The following PCDH11Y variants were observed in gnomAD, a reference collection of about 807,000 sequenced individuals.
PCDH11Y encodes the protein protocadherin-11 Y-linked.
For synonymous variants in PCDH11Y, 9 were observed against 83.6 expected (o/e 0.11, Z 4.87); for missense variants, 12 against 224.8 (o/e 0.05, Z 6.05).
At chrY:5,013,821 C>T in intron 1 of PCDH11Y, among the ~76,000 whole-genome samples, 1 of 32,226 alleles carries the variant, frequency 3.1e-5, no homozygotes, top group East Asian at 8.1e-4. Flanking sequence ...ACTATTAGGT[C>T]GAAGCAAAAA....
At chrY:5,458,716 G>T (rs1602928583) in intron 2 of PCDH11Y, among the ~76,000 whole-genome samples, 14 of 33,328 alleles carry the variant, frequency 4.2e-4, no homozygotes, top group African/African-American at 4.6e-4. Context: ...GAATTGCATC[G>T]TAGAAATGTT....
chrY:5,310,242 G>T, intron 2 of PCDH11Y, among the ~76,000 whole-genome samples: 2 of 32,141 alleles, frequency 6.2e-5, no homozygotes, highest in Non-Finnish European at 1.5e-4. Flanking sequence ...TTAAGTTATG[G>T]TTAGAACATT....
intron 3 of PCDH11Y, among the ~76,000 whole-genome samples, chrY:5,524,966 A>T: frequency 3.6e-5 from 1 of 27,441 alleles, no homozygotes; most frequent in Non-Finnish European, 8.3e-5. Context: ...TATCCAGTCT[A>T]TCACTGATGG....
chrY:5,493,985 G>A (rs2053341272), intron 2 of PCDH11Y, among the ~76,000 whole-genome samples: 1 of 33,537 alleles, frequency 3.0e-5, no homozygotes, highest in Non-Finnish European at 7.4e-5. Context: ...CCTGATATGA[G>A]GTTCTTTTAG....
chrY:5,065,246 CT>C (rs2052684395), intron 1 of PCDH11Y, among the ~76,000 whole-genome samples: 1 of 33,030 alleles, frequency 3.0e-5, no homozygotes, highest in African/African-American at 1.2e-4. Context: ...CATTTTGAGA[CT>C]GGAAATAAAA....
intron 2 of PCDH11Y, among the ~76,000 whole-genome samples, chrY:5,147,451 G>A (rs2052858395): frequency 1.0e-4 from 3 of 29,741 alleles, no homozygotes; most frequent in Admixed American, 3.2e-4. Context: ...CTGGGTGAGG[G>A]ATCATTCATA....
intron 2 of PCDH11Y, among the ~76,000 whole-genome samples, chrY:5,166,958 C>T: frequency 3.1e-5 from 1 of 32,471 alleles, no homozygotes. Flanking sequence ...ATATATTTTA[C>T]CATATTAAGA....
chrY:5,179,102 C>A, intron 2 of PCDH11Y, among the ~76,000 whole-genome samples: 2 of 33,122 alleles, frequency 6.0e-5, no homozygotes, highest in Admixed American at 5.5e-4. Context: ...ATGCATGTAT[C>A]TTTACAAGAG....
chrY:5,628,547 T>C (rs2053509489), intron 4 of PCDH11Y, among the ~76,000 whole-genome samples: 1 of 33,936 alleles, frequency 2.9e-5, no homozygotes, highest in African/African-American at 1.2e-4. Flanking sequence ...TTCAAATAAA[T>C]TGTAACTCAA....
At chrY:5,384,381 TTATATTATCATTTTAAAAA>T (rs2053208817) in intron 2 of PCDH11Y, among the ~76,000 whole-genome samples, 1 of 29,427 alleles carries the variant, frequency 3.4e-5, no homozygotes, top group Non-Finnish European at 8.1e-5. Context: ...TGTAAACTCA[TTATATTATCATTTTAAAAA>T]TATATTATCA....
At chrY:5,267,133 T>C in intron 2 of PCDH11Y, among the ~76,000 whole-genome samples, 1 of 30,376 alleles carries the variant, frequency 3.3e-5, no homozygotes, top group Admixed American at 3.1e-4. Flanking sequence ...TATTGGCTAC[T>C]TCCAAATACA....
At chrY:5,026,846 G>A in intron 1 of PCDH11Y, among the ~76,000 whole-genome samples, 1 of 32,845 alleles carries the variant, frequency 3.0e-5, no homozygotes, top group Admixed American at 2.8e-4. Context: ...TTTAAAATCA[G>A]TATTTGTAGT....
intron 2 of PCDH11Y, among the ~76,000 whole-genome samples, chrY:5,376,669 G>A: frequency 3.1e-5 from 1 of 32,357 alleles, no homozygotes; most frequent in Non-Finnish European, 7.5e-5. Flanking sequence ...TATTATTATC[G>A]TTACATATAT....
rs1602917911 is a variant in PCDH11Y, at chrY:5,391,512, G to A, written c.3130-109545G>A. Among the ~76,000 whole-genome samples, 8 of 31,881 alleles carry A rather than the reference G, an allele frequency of 2.5e-4. No individual in the cohort carries two copies. The East Asian group carries it at 5.0e-3, about 20-fold the overall frequency. The allele number at this position is 31,881 out of a possible 37,273, so 85.5% of individuals were successfully genotyped here. On this transcript the variant is annotated intron_variant, in intron 2 of 4. Coordinates refer to the PCDH11Y transcript ENST00000400457. ...TTTAGGAGGCCAAGGCAGGAGAATC[G>A]CTTGAGCCCAGTAGTTGGAGACCAG...
At chrY:5,348,802 G>A in intron 2 of PCDH11Y, among the ~76,000 whole-genome samples, 7 of 32,374 alleles carry the variant, frequency 2.2e-4, no homozygotes, top group Non-Finnish European at 3.7e-4. Flanking sequence ...CAGGTGCCAC[G>A]GGAGCCAAGG....
At chrY:5,326,317 TG>T (rs2053120325) in intron 2 of PCDH11Y, among the ~76,000 whole-genome samples, 1 of 31,781 alleles carries the variant, frequency 3.1e-5, no homozygotes, top group Non-Finnish European at 7.6e-5. Flanking sequence ...CAGTCCTGGG[TG>T]GGGGCAAATC....
intron 1 of PCDH11Y, among the ~76,000 whole-genome samples, chrY:5,078,854 C>A (rs2052714024): frequency 3.0e-5 from 1 of 33,131 alleles, no homozygotes; most frequent in Non-Finnish European, 7.4e-5. Context: ...AGCTTCCCAA[C>A]TGTCCTCCAA....
At chrY:5,679,910 T>C in intron 4 of PCDH11Y, among the ~76,000 whole-genome samples, 3 of 29,811 alleles carry the variant, frequency 1.0e-4, no homozygotes, top group African/African-American at 3.9e-4. Context: ...GGATGGAAGA[T>C]GTAGAAGGAC....
chrY:5,091,068 A>G, intron 1 of PCDH11Y, among the ~76,000 whole-genome samples: 1 of 32,699 alleles, frequency 3.1e-5, no homozygotes, highest in South Asian at 6.8e-4. Context: ...ATATCTTCCC[A>G]ATTAAAAGCA....
Sources: gnomAD v4.1 joint callset for allele counts (sites outside exome capture counted in the v4.1 genomes callset) on GRCh38, gnomAD v4.1.1 for gene constraint, MANE v1.5 for transcripts, NCBI Gene and HGNC (gene_info 2026-07-23, HGNC 2026-07-21) for gene names.